The following ETV6 variants were observed in gnomAD, a reference collection of about 807,000 sequenced individuals.
ETV6 encodes transcription factor ETV6.
In ETV6, 16 loss-of-function variants were observed where a neutral mutation model predicts 51.1. The ratio of observed to expected loss-of-function variants is 0.31; its 90% CI spans 0.21 to 0.48. The LOEUF (loss-of-function observed/expected upper bound fraction) is 0.48. Among genes scored for constraint, ETV6 ranks in the 20% least tolerant of loss-of-function variants. The probability of loss-of-function intolerance (pLI) is 0.99; values close to 1 mark genes in which losing one functional copy is unlikely to be tolerated. For missense variants in ETV6, 458 were observed against 594.8 expected (o/e 0.77, Z 2.39); for synonymous variants, 240 against 224.1 (o/e 1.07, Z -0.64).
At chr12:11,822,524 T>G (rs1946095968) in intron 2 of ETV6, among the ~76,000 whole-genome samples, 1 of 152,204 alleles carries the variant, frequency 6.6e-6, no homozygotes, top group Non-Finnish European at 1.5e-5. Context: ...GGGGAAATTT[T>G]GGTTATAAAA....
chr12:11,703,434 A>G (rs546429861), intron 1 of ETV6, among the ~76,000 whole-genome samples: 2 of 152,236 alleles, frequency 1.3e-5, no homozygotes, highest in South Asian at 4.1e-4. Context: ...GGTTAGAGAA[A>G]TTTGGGGATT....
intron 1 of ETV6, among the ~76,000 whole-genome samples, chr12:11,743,954 G>A (rs1331961856): frequency 6.6e-6 from 1 of 152,206 alleles, no homozygotes; most frequent in Non-Finnish European, 1.5e-5. Flanking sequence ...TGAAGGGAGG[G>A]AGGAGTTAAT....
chr12:11,809,900 A>C (rs1945888570), intron 2 of ETV6, among the ~76,000 whole-genome samples: 1 of 144,738 alleles, frequency 6.9e-6, no homozygotes, highest in South Asian at 2.1e-4. Context: ...GCTCACTGCA[A>C]CTTCCGCCTC....
rs963482024 is a variant in ETV6 at position 11,689,437 on chromosome 12, T to C, written c.33+39277T>C. Among the ~76,000 whole-genome samples, 23 of 152,162 alleles carry C rather than the reference T, an allele frequency of 1.5e-4. 1 individual carries two copies. The highest frequency in any genetic ancestry group is 2.9e-5 in the Non-Finnish European group (2 of 68,036). On this transcript the variant is annotated intron_variant, in intron 1 of 7. Transcript: ENST00000396373. ...GTACATTTGCTATTTTATTTTATTT[T>C]ATTTCATTTTATTTCATTTCATTTT... is the stretch of plus-strand genomic sequence containing the variant.
rs371154310 is a variant in ETV6, at chr12:11,866,887, CCA to C, written c.464-2535_464-2534del. 4.6e-3 allele frequency among the ~76,000 whole-genome samples: 702 copies of C among 152,346 alleles called. 9 individuals are homozygous for C. The highest frequency in any genetic ancestry group is 0.016 in the African/African-American group (680 of 41,578). On this transcript the variant is annotated intron_variant, in intron 4 of 7. Coordinates refer to ENST00000396373, the MANE Select transcript of ETV6 (RefSeq NM_001987.5). ...TTAATCACTCTCCCCTCTGTGGCTC[CCA>C]CTGTATGGGATTTGTTTCTTCAATT...
At chr12:11,733,269 A>G (rs560578081) in intron 1 of ETV6, among the ~76,000 whole-genome samples, 39 of 152,128 alleles carry the variant, frequency 2.6e-4, no homozygotes, top group Admixed American at 9.2e-4. Flanking sequence ...TTAGCCAGGC[A>G]TGGTGGCAGG....
intron 5 of ETV6, among the ~76,000 whole-genome samples, chr12:11,879,562 G>A (rs949398994): frequency 1.3e-5 from 2 of 152,090 alleles, no homozygotes; most frequent in African/African-American, 2.4e-5. Context: ...CTTTAGCTGC[G>A]GATACCGAGG....
chr12:11,666,484 A>G (rs935091586), intron 1 of ETV6, among the ~76,000 whole-genome samples: 1 of 152,192 alleles, frequency 6.6e-6, no homozygotes, highest in African/African-American at 2.4e-5. Flanking sequence ...TGGATAGCCC[A>G]GTGACATTTA....
At chr12:11,870,096 C>A (rs2136542163) in intron 5 of ETV6, 127 bp downstream of exon 5, 2 of 1,046,456 alleles carry the variant, frequency 1.9e-6, no homozygotes, top group Non-Finnish European at 2.7e-6. Flanking sequence ...TCTCTGAGGG[C>A]AATTGGAGGC....
intron 1 of ETV6, among the ~76,000 whole-genome samples, chr12:11,696,501 C>A (rs1864881397): frequency 1.3e-5 from 2 of 152,154 alleles, no homozygotes; most frequent in Admixed American, 1.3e-4. Flanking sequence ...CAATAACCCA[C>A]CTGGCCCATA....
chr12:11,862,950 G>A (rs1946737036), intron 4 of ETV6, among the ~76,000 whole-genome samples: 1 of 152,190 alleles, frequency 6.6e-6, no homozygotes, highest in Non-Finnish European at 1.5e-5. Context: ...AAATGACTGG[G>A]AGAGGGAGAA....
chr12:11,656,839 T>C (rs200523752), intron 1 of ETV6, among the ~76,000 whole-genome samples: 1 of 151,992 alleles, frequency 6.6e-6, no homozygotes. Context: ...TTTTTTTTCC[T>C]TTTAAAGCTT....
chr12:11,831,472 G>A (rs992947821), intron 2 of ETV6, among the ~76,000 whole-genome samples: 1 of 152,170 alleles, frequency 6.6e-6, no homozygotes, highest in African/African-American at 2.4e-5. Context: ...CAATCCACCG[G>A]CCTTGGCCTC....
intron 4 of ETV6, among the ~76,000 whole-genome samples, chr12:11,854,479 G>A (rs558495001): frequency 2.0e-4 from 31 of 152,286 alleles, no homozygotes; most frequent in Admixed American, 1.7e-3. Flanking sequence ...AGAAAATGAC[G>A]TAAGGGTGGG....
intron 2 of ETV6, among the ~76,000 whole-genome samples, chr12:11,821,483 A>G (rs549647120): frequency 2.6e-5 from 4 of 152,104 alleles, no homozygotes; most frequent in Non-Finnish European, 4.4e-5. Context: ...GCAGATTTAG[A>G]TGAGTGACAT....
intron 2 of ETV6, among the ~76,000 whole-genome samples, chr12:11,789,674 C>T (rs1945551488): frequency 6.6e-6 from 1 of 152,126 alleles, no homozygotes; most frequent in Admixed American, 6.5e-5. Context: ...TTTCCTCATA[C>T]TTGATAGATT....
At chr12:11,650,513 A>AAAAAC in intron 1 of ETV6, among the ~76,000 whole-genome samples, 1 of 150,534 alleles carries the variant, frequency 6.6e-6, no homozygotes. Context: ...CAAAAAAAAA[A>AAAAAC]AACCTGCTCC....
At chr12:11,790,258 G>A (rs997019146) in intron 2 of ETV6, among the ~76,000 whole-genome samples, 8 of 151,770 alleles carry the variant, frequency 5.3e-5, no homozygotes, top group African/African-American at 1.2e-4. Flanking sequence ...TTTTCCCCAC[G>A]TTGCCTTTGT....
intron 2 of ETV6, among the ~76,000 whole-genome samples, chr12:11,753,946 G>C (rs1442392170): frequency 6.6e-6 from 1 of 152,170 alleles, no homozygotes; most frequent in Non-Finnish European, 1.5e-5. Context: ...CTTTTAAGGA[G>C]GTTCGAACTG....
Sources: gnomAD v4.1 joint callset for allele counts (sites outside exome capture counted in the v4.1 genomes callset) on GRCh38, gnomAD v4.1.1 for gene constraint, MANE v1.5 for transcripts, NCBI Gene and HGNC (gene_info 2026-07-23, HGNC 2026-07-21) for gene names.